Variants in SERINC2 observed in about 807,000 individuals in gnomAD.
SERINC2 encodes serine incorporator 2.
SERINC2 carries 56 observed loss-of-function variants against 54.2 expected under a neutral mutation model. That is an observed-to-expected ratio of 1.03 (90% confidence interval 0.83 to 1.29). The LOEUF (loss-of-function observed/expected upper bound fraction) is 1.29, where lower values mean the gene tolerates loss of function less well. SERINC2 is among the 50% of genes most tolerant of loss of function. The pLI, the probability that SERINC2 is intolerant of heterozygous loss-of-function variation, is 0.00. For missense variants in SERINC2, 614 were observed against 607.4 expected (o/e 1.01, Z -0.12); for synonymous variants, 272 against 253.1 (o/e 1.07, Z -0.71).
chr1:31,432,986 C>G lies in SERINC2; in HGVS notation c.1033C>G (p.Arg345Gly). ...CTGCAGTCTGCGCTCCTCAGACCACCGGCAGGTGAACAGCCTGATGCAGAC... is the reference window on the plus strand; with the variant it reads ...CTGCAGTCTGCGCTCCTCAGACCACGGGCAGGTGAACAGCCTGATGCAGAC... ...LFISLRSSDHRQVNSLMQTEE... is the reference protein window; with the variant it reads ...LFISLRSSDHGQVNSLMQTEE... The change falls in exon 9 of 10, where the codon CGG becomes GGG. Residue 345 changes from arginine to glycine, a missense_variant. Physicochemically the swap from Arg to Gly is moderately radical, Grantham distance 125. Coordinates refer to ENST00000373709, the MANE Select transcript of SERINC2 (RefSeq NM_178865.5). 1 of 1,611,518 alleles carries G rather than the reference C, an allele frequency of 6.2e-7. No homozygotes were observed.
chr1:31,426,588 G>A, intron 5 of SERINC2, 66 bp from the exon 6 acceptor site: 1 of 1,374,858 alleles, frequency 7.3e-7, no homozygotes, highest in Non-Finnish European at 1.0e-6. Flanking sequence ...GTCCCTCGAG[G>A]GAGTAGGGAT....
At chr1:31,421,840 A>G (rs1640908149) in intron 1 of SERINC2, among the ~76,000 whole-genome samples, 1 of 152,206 alleles carries the variant, frequency 6.6e-6, no homozygotes, top group Admixed American at 6.5e-5. Flanking sequence ...CTCACCGCTG[A>G]CTGTCTGCTC....
intron 1 of SERINC2, among the ~76,000 whole-genome samples, chr1:31,422,197 G>A (rs1248567262): frequency 6.6e-6 from 1 of 151,544 alleles, no homozygotes; most frequent in African/African-American, 2.4e-5. Context: ...TACTCAGGAG[G>A]CTGAGGTGGG....
rs1553133493 is a variant in SERINC2, at chr1:31,425,774, A to G, written c.473-2A>G. ...TCGCCTCACTCCCCTCTCCCCACCCAGTCTGGTTCTACTTCGGCGTCGTGG... is the reference window on the plus strand; with the variant it reads ...TCGCCTCACTCCCCTCTCCCCACCCGGTCTGGTTCTACTTCGGCGTCGTGG... On this transcript the variant is annotated splice_acceptor_variant, in intron 4 of 9. Transcript: ENST00000373709. LOFTEE classifies it high-confidence loss of function. The G allele has an allele frequency of 6.2e-7, 1 of 1,612,496 alleles. No homozygotes were observed. The highest frequency in any genetic ancestry group is 8.5e-7 in the Non-Finnish European group (1 of 1,179,678).
At chr1:31,429,129 T>C (rs1641125661) in intron 7 of SERINC2, 61 bp downstream of exon 7, 6 of 1,457,780 alleles carry the variant, frequency 4.1e-6, no homozygotes, top group Non-Finnish European at 5.8e-6. Context: ...ATCAGTCTAC[T>C]GTGGGGCTGG....
chr1:31,417,387 C>T (rs993670012), intron 1 of SERINC2, among the ~76,000 whole-genome samples: 1 of 152,174 alleles, frequency 6.6e-6, no homozygotes, highest in Admixed American at 6.5e-5. Context: ...ACTTCCGTGA[C>T]CTCTGTAGCT....
chr1:31,426,746 G>A lies in SERINC2; in HGVS notation c.703G>A (p.Glu235Lys), dbSNP rs140789666. Residue 235 changes from glutamate (E) to lysine (K), a missense_variant, in exon 6 of 10, where the codon GAG (glutamate) becomes AAG (lysine). Physicochemically the swap from Glu to Lys is moderately conservative, Grantham distance 56. Coordinates refer to ENST00000373709, the MANE Select transcript of SERINC2 (RefSeq NM_178865.5). ...MYYTEPSGCHEGKVFISLNLT... is the reference protein window; with the variant it reads ...MYYTEPSGCHKGKVFISLNLT... Reference sequence around the variant, plus strand: ...CTACACTGAGCCCAGCGGCTGCCACGAGGGCAAGGTCTTCATCAGCCTCAA... The same window carrying A: ...CTACACTGAGCCCAGCGGCTGCCACAAGGGCAAGGTCTTCATCAGCCTCAA... The A allele has an allele frequency of 9.3e-6, 15 of 1,614,004 alleles. No individual in the cohort carries two copies. The highest frequency in any genetic ancestry group is 1.0e-5 in the Non-Finnish European group (12 of 1,180,016).
intron 8 of SERINC2, among the ~76,000 whole-genome samples, chr1:31,430,657 T>C (rs548109629): frequency 4.2e-4 from 64 of 152,304 alleles, no homozygotes; most frequent in African/African-American, 1.4e-3. Flanking sequence ...TTGTGAACAT[T>C]TGTATATTAG....
rs187145094 is a variant in SERINC2, at chr1:31,431,122, C to G, written c.1013+1584C>G. Reference sequence around the variant, plus strand: ...CCCCTCCCCTCCCTTCCCCTCCCCCCTCCTCTCTCTTTTCTTTTTTGAGAC... The same window carrying G: ...CCCCTCCCCTCCCTTCCCCTCCCCCGTCCTCTCTCTTTTCTTTTTTGAGAC... On this transcript the variant is annotated intron_variant, in intron 8 of 9. Coordinates refer to ENST00000373709, the MANE Select transcript of SERINC2 (RefSeq NM_178865.5). 8.8e-3 allele frequency among the ~76,000 whole-genome samples: 1,321 copies of G among 150,774 alleles called. 21 individuals carry two copies. The highest frequency in any genetic ancestry group is 0.031 in the African/African-American group (1,259 of 41,000).
chr1:31,430,165 G>A (rs1461190142), intron 8 of SERINC2, among the ~76,000 whole-genome samples: 1 of 152,082 alleles, frequency 6.6e-6, no homozygotes, highest in African/African-American at 2.4e-5. Context: ...GATAAAAATA[G>A]TACCTTCCTC....
intron 9 of SERINC2, 78 bp downstream of exon 9, chr1:31,433,263 T>C: frequency 1.6e-6 from 2 of 1,235,550 alleles, no homozygotes; most frequent in South Asian, 2.5e-5. Flanking sequence ...GGCCCTTCAC[T>C]GGGTTTTCCT....
At chr1:31,419,885 T>C (rs1640865789) in intron 1 of SERINC2, among the ~76,000 whole-genome samples, 1 of 152,170 alleles carries the variant, frequency 6.6e-6, no homozygotes, top group Non-Finnish European at 1.5e-5. Context: ...GGCTGGTGCC[T>C]GTGGTCCCAG....
At position 31,423,746 on chromosome 1, in the gene SERINC2, C is replaced by T. The variant is rs1640957691; in HGVS notation, c.93C>T (p.Ala31=). The T allele has an allele frequency of 6.2e-7, 1 of 1,613,234 alleles. No individual in the cohort carries two copies. The highest frequency in any genetic ancestry group is 1.1e-5 in the South Asian group (1 of 91,094). ...APCILCSCCP[A]SRNSTVSRLI... is the part of the protein sequence containing the mutation. Reference sequence around the variant, plus strand: ...GCATCCTGTGCAGCTGCTGCCCCGCCAGCCGCAACTCCACCGTGAGCCGCC... The same window carrying T: ...GCATCCTGTGCAGCTGCTGCCCCGCTAGCCGCAACTCCACCGTGAGCCGCC... The change falls in exon 2 of 10, where the codon GCC becomes GCT. Residue 31 remains alanine, a synonymous_variant. Transcript: ENST00000373709.
chr1:31,415,927 G>A (rs1471025046), intron 1 of SERINC2: 1 of 985,430 alleles, frequency 1.0e-6, no homozygotes, highest in African/African-American at 1.7e-5. Flanking sequence ...GCTTTGGATG[G>A]GGAGGTAAGA....
At chr1:31,432,011 A>ATAGGGTGGATAGGGTGGT (rs1641258329) in intron 8 of SERINC2, among the ~76,000 whole-genome samples, 3 of 95,474 alleles carry the variant, frequency 3.1e-5, no homozygotes, top group South Asian at 3.8e-4. Flanking sequence ...GATAGGGTGG[A>ATAGGGTGGATAGGGTGGT]TAGGGTGGAC....
chr1:31,432,323 G>A (rs551456321), intron 8 of SERINC2, among the ~76,000 whole-genome samples: 17 of 151,834 alleles, frequency 1.1e-4, no homozygotes, highest in South Asian at 4.2e-4. Flanking sequence ...GTTTGGAAAC[G>A]TGAGTTGGTT....
At chr1:31,424,537 G>C in intron 2 of SERINC2, 146 bp from the exon 3 acceptor site, 2 of 660,046 alleles carry the variant, frequency 3.0e-6, no homozygotes, top group Non-Finnish European at 2.6e-6. Flanking sequence ...TAGAGGTGAG[G>C]GGCTCCCCTC....
Position 31,425,320 on chromosome 1 carries a change from C to A in SERINC2, c.393-10C>A. 1.2e-6 allele frequency: 2 copies of A among 1,604,568 alleles called. No homozygotes were observed. Among genetic ancestry groups the A allele is most frequent in the Non-Finnish European group, 1.7e-6 (2 of 1,171,060 alleles). On this transcript the variant is annotated splice_polypyrimidine_tract_variant and intron_variant, in intron 3 of 9. Coordinates refer to ENST00000373709, the MANE Select transcript of SERINC2 (RefSeq NM_178865.5). ...CAGCTTCCTTGTCCATTCCCCGACC[C>A]CTTCTGTAGGTTTTGGTTCTTTAAG...
intron 1 of SERINC2, chr1:31,416,008 C>T: frequency 1.4e-6 from 1 of 696,766 alleles, no homozygotes; most frequent in Non-Finnish European, 1.8e-6. Context: ...GCAAAGATTT[C>T]AGGAGGGTCT....
Sources: allele counts gnomAD v4.1 joint callset (sites outside exome capture counted in the v4.1 genomes callset), GRCh38; gene constraint gnomAD v4.1.1; transcripts MANE v1.5; gene names NCBI Gene and HGNC (gene_info 2026-07-23, HGNC 2026-07-21).